KIDINS220: variants seen among roughly 807,000 people sequenced by gnomAD.
KIDINS220 encodes kinase D interacting substrate 220.
Under a neutral mutation model 157.6 loss-of-function variants are expected in KIDINS220, and 63 were observed. The ratio of observed to expected loss-of-function variants is 0.40; its 90% CI spans 0.33 to 0.49. KIDINS220 has a LOEUF of 0.49. KIDINS220 is among the 20% of genes least tolerant of loss of function. KIDINS220 has a pLI of 0.66. For synonymous variants in KIDINS220, 732 were observed against 783.6 expected (o/e 0.93, Z 1.10); for missense variants, 1,772 against 2,171.2 (o/e 0.82, Z 3.65).
chr2:8,795,125 A>G (rs1404261026), intron 11 of KIDINS220, among the ~76,000 whole-genome samples: 1 of 152,196 alleles, frequency 6.6e-6, no homozygotes, highest in African/African-American at 2.4e-5. Context: ...CACACCGATC[A>G]TCTTAGTCGC....
chr2:8,794,156 T>C, intron 11 of KIDINS220, 169 bp from the exon 12 acceptor site: 1 of 476,596 alleles, frequency 2.1e-6, no homozygotes, highest in South Asian at 3.7e-5. Context: ...ATAATATCCT[T>C]CTGTAGCTCC....
At chr2:8,822,978 T>C (rs1678216050) in intron 2 of KIDINS220, among the ~76,000 whole-genome samples, 1 of 152,192 alleles carries the variant, frequency 6.6e-6, no homozygotes. Flanking sequence ...TAAATTTGTT[T>C]ATTTTATATT....
chr2:8,813,720 G>C (rs1008342350), intron 4 of KIDINS220, among the ~76,000 whole-genome samples: 1 of 152,086 alleles, frequency 6.6e-6, no homozygotes, highest in South Asian at 2.1e-4. Context: ...TCAGGAGTTC[G>C]AGACCAGCCT....
chr2:8,819,740 G>C (rs576898118), intron 2 of KIDINS220, among the ~76,000 whole-genome samples: 1 of 152,022 alleles, frequency 6.6e-6, no homozygotes, highest in Non-Finnish European at 1.5e-5. Flanking sequence ...CATGAGAATC[G>C]CTGGAACCTG....
chr2:8,754,328 G>A (rs2148068587), intron 22 of KIDINS220, among the ~76,000 whole-genome samples: 1 of 152,324 alleles, frequency 6.6e-6, no homozygotes, highest in East Asian at 1.9e-4. Flanking sequence ...AAACTCTTCT[G>A]CTGAAAGAGA....
chr2:8,775,707 T>G (rs1275187158), intron 21 of KIDINS220, among the ~76,000 whole-genome samples: 2 of 152,108 alleles, frequency 1.3e-5, no homozygotes, highest in Non-Finnish European at 2.9e-5. Flanking sequence ...TTTGAGGAGC[T>G]TTGCTGAGAA....
At chr2:8,723,625 T>C (rs182660947), downstream of KIDINS220, 1 of 152,274 alleles carries the variant, frequency 6.6e-6, no homozygotes, top group East Asian at 1.9e-4. Flanking sequence ...GAGGAGATAG[T>C]AGAGGGCAGC....
intron 11 of KIDINS220, among the ~76,000 whole-genome samples, chr2:8,794,626 C>T (rs75045427): frequency 9.1e-4 from 138 of 152,288 alleles, no homozygotes; most frequent in Middle Eastern, 3.4e-3. Context: ...TCCCTATCAA[C>T]CCACCTTCTC....
At position 8,729,204 on chromosome 2, in the gene KIDINS220, C is replaced by T. The variant is rs919030113; in HGVS notation, c.*1516G>A. On this transcript the variant is annotated 3_prime_UTR_variant, in exon 30 of 30. Transcript: ENST00000256707. ...TTTGTTAAAGATCATGCAAAATAAA[C>T]ACTGTATTAAAATGCTAGATTACAC... The T allele has an allele frequency of 1.0e-4, 98 of 984,744 alleles. No individual in the cohort carries two copies. Among genetic ancestry groups the T allele is most frequent in the Non-Finnish European group, 2.4e-5 (20 of 829,194 alleles). The allele number at this position is 984,744 out of a possible 1,614,324, so 61.0% of individuals were successfully genotyped here.
chr2:8,729,950 G>C lies in KIDINS220; in HGVS notation c.*770C>G. On this transcript the variant is annotated 3_prime_UTR_variant, in exon 30 of 30. Coordinates refer to ENST00000256707, the MANE Select transcript of KIDINS220 (RefSeq NM_020738.4). ...AGTTGGGCACCATTTAAAAGAGTTG[G>C]AGAACAGACCAGGGTGGCTTCTTGG... 1 of 985,316 alleles carries C rather than the reference G, an allele frequency of 1.0e-6. No individual in the cohort carries two copies. The highest frequency in any genetic ancestry group is 1.2e-6 in the Non-Finnish European group (1 of 829,908). 61.0% of individuals were successfully genotyped at this position (985,316 alleles called of 1,614,324 possible).
intron 22 of KIDINS220, among the ~76,000 whole-genome samples, chr2:8,763,432 A>G (rs1209621286): frequency 6.6e-6 from 1 of 152,174 alleles, no homozygotes; most frequent in African/African-American, 2.4e-5. Flanking sequence ...GTCGGCACTC[A>G]GTTTCAGATT....
At chr2:8,799,724 A>G (rs1209538503) in intron 9 of KIDINS220, among the ~76,000 whole-genome samples, 1 of 152,226 alleles carries the variant, frequency 6.6e-6, no homozygotes, top group Non-Finnish European at 1.5e-5. Flanking sequence ...TCAAAAATGG[A>G]TTTTGATACA....
intron 18 of KIDINS220, 148 bp from the exon 19 acceptor site, chr2:8,779,287 AT>A: frequency 2.0e-6 from 2 of 988,102 alleles, no homozygotes; most frequent in Non-Finnish European, 2.9e-6. Flanking sequence ...ACAAAAGCAA[AT>A]TTTACTGACA....
chr2:8,731,442 C>G lies in KIDINS220; in HGVS notation c.4594G>C (p.Asp1532His), dbSNP rs1405316488. ...DEDESGTEESDNTPLLKDDKD... is the reference protein window; with the variant it reads ...DEDESGTEESHNTPLLKDDKD... The stretch of plus-strand genomic sequence containing the variant: ...TCATCTTTGAGCAGTGGAGTGTTAT[C>G]TGATTCTTCTGTGCCAGATTCATCC... The change falls in exon 30 of 30, where the codon GAT becomes CAT. Residue 1532 changes from aspartate to histidine, a missense_variant. Physicochemically the swap from Asp to His is moderately conservative, Grantham distance 81. Transcript: ENST00000256707. This position sits in a 1 kb window ranked among gnomAD's most constrained non-coding sequence, Gnocchi z 5.2. 6.2e-7 allele frequency: 1 copy of G among 1,614,216 alleles called. No individual in the cohort carries two copies.
intron 4 of KIDINS220, among the ~76,000 whole-genome samples, chr2:8,816,962 A>C (rs1677163437): frequency 6.6e-6 from 1 of 152,240 alleles, no homozygotes; most frequent in African/African-American, 2.4e-5. Context: ...GACCGTCTGT[A>C]CTTCAAAAAC....
intron 19 of KIDINS220, 44 bp downstream of exon 19, chr2:8,778,852 A>C: frequency 1.9e-6 from 3 of 1,608,410 alleles, no homozygotes; most frequent in Non-Finnish European, 2.5e-6. Context: ...AAGAAACTAC[A>C]AAACTATTTC....
At position 8,789,899 on chromosome 2, in the gene KIDINS220, A is replaced by C; in HGVS notation, c.1602T>G (p.Ala534=). 1 of 1,609,602 alleles carries C rather than the reference A, an allele frequency of 6.2e-7. No homozygotes were observed. Residue 534 remains alanine (A), a synonymous_variant, in exon 14 of 30, where the codon GCT becomes GCG. Coordinates refer to ENST00000256707, the MANE Select transcript of KIDINS220 (RefSeq NM_020738.4). ...LGIAVSLSFL[A]LLYIFFIVIY... is the part of the protein sequence containing the mutation. ...ACTTACTAAAGAATATATATAAGAG[A>C]GCCAAGAAGCTCAGTGACACTGCTA... is the stretch of plus-strand genomic sequence containing the variant.
intron 22 of KIDINS220, among the ~76,000 whole-genome samples, chr2:8,762,975 C>T (rs1336867842): frequency 6.6e-6 from 1 of 152,078 alleles, no homozygotes; most frequent in African/African-American, 2.4e-5. Flanking sequence ...TTATATGTTG[C>T]TAAGTTGTTC....
At chr2:8,773,495 T>C (rs1670514748) in intron 21 of KIDINS220, among the ~76,000 whole-genome samples, 1 of 151,300 alleles carries the variant, frequency 6.6e-6, no homozygotes, top group Non-Finnish European at 1.5e-5. Flanking sequence ...TTTTTTAAGA[T>C]GGAGTCTCAC....
Sources: allele counts gnomAD v4.1 joint callset (sites outside exome capture counted in the v4.1 genomes callset), GRCh38; gene constraint gnomAD v4.1.1; non-coding constraint Gnocchi (gnomAD v3.1); transcripts MANE v1.5; gene names NCBI Gene and HGNC (gene_info 2026-07-23, HGNC 2026-07-21).